Variants in VWF observed in about 807,000 individuals in gnomAD.
VWF encodes the protein Factor VIII related antigen.
Under a neutral mutation model 308.6 loss-of-function variants are expected in VWF, and 176 were observed. The observed-to-expected ratio is 0.57, with a 90% CI of 0.50 to 0.65. VWF has a LOEUF of 0.65. Among genes scored for constraint, VWF ranks in the 30% least tolerant of loss-of-function variants. The pLI is 0.00. For missense variants in VWF, 3,146 were observed against 3,648.2 expected, an observed-to-expected ratio of 0.86 and a Z score of 3.55; for synonymous variants, 1,385 against 1,443.4, an observed-to-expected ratio of 0.96 and a Z score of 0.92.
Position 6,056,989 on chromosome 12 carries a change from G to A in VWF, c.1813C>T (p.Leu605=). The A allele has an allele frequency of 6.5e-7, 1 of 1,546,070 alleles. No individual in the cohort carries two copies. The highest frequency in any genetic ancestry group is 1.2e-5 in the South Asian group (1 of 84,416). ...CACACGTCGTAGCGGCAGTTCCGCAGGTAGGGCAGCGGGCTGACGGCACGA... is the reference window on the plus strand; with the variant it reads ...CACACGTCGTAGCGGCAGTTCCGCAAGTAGGGCAGCGGGCTGACGGCACGA... ...CHRAVSPLPY[L]RNCRYDVCSC... Residue 605 remains leucine (L), a synonymous_variant, in exon 15 of 52, where the codon CTG becomes TTG. Coordinates refer to ENST00000261405, the MANE Select transcript of VWF (RefSeq NM_000552.5).
In VWF at chr12:6,063,087, GT is replaced by G; in HGVS notation, c.1433-34del. The G allele has an allele frequency of 6.3e-7, 1 of 1,580,596 alleles. No homozygotes were observed. The highest frequency in any genetic ancestry group is 2.2e-5 in the East Asian group (1 of 44,722). ...CCAGCAGGACAGGACTCAGGCAGAG[GT>G]GGGGAGAGGACAGGGTGGTGGCAGG... is the stretch of plus-strand genomic sequence containing the variant. On this transcript the variant is annotated intron_variant, in intron 12 of 51. Coordinates refer to ENST00000261405, the MANE Select transcript of VWF (RefSeq NM_000552.5). This position sits in a 1 kb window ranked among gnomAD's most constrained non-coding sequence, Gnocchi z 4.9.
chr12:5,956,243 T>C (rs1185943603), intron 47 of VWF, among the ~76,000 whole-genome samples: 2 of 152,234 alleles, frequency 1.3e-5, no homozygotes, highest in African/African-American at 4.8e-5. Flanking sequence ...TACTGGTTTA[T>C]GAATACTTTA....
intron 3 of VWF, among the ~76,000 whole-genome samples, chr12:6,113,391 G>A (rs530983701): frequency 1.1e-3 from 172 of 150,316 alleles, no homozygotes; most frequent in African/African-American, 4.1e-3. Context: ...TCCGCCTCCC[G>A]GGTTCACGCC....
chr12:6,104,776 A>C (rs1414446855), intron 5 of VWF, among the ~76,000 whole-genome samples: 2 of 152,212 alleles, frequency 1.3e-5, no homozygotes, highest in East Asian at 3.8e-4. Flanking sequence ...AAAAGAAATC[A>C]ATATATCAAA....
chr12:6,006,290 T>G (rs116477870), intron 34 of VWF, among the ~76,000 whole-genome samples: 10 of 152,146 alleles, frequency 6.6e-5, no homozygotes, highest in African/African-American at 2.4e-4. Context: ...AATCTCATCA[T>G]TACCCAAAAA....
chr12:6,043,151 T>C (rs775102081), intron 18 of VWF, among the ~76,000 whole-genome samples: 1 of 152,104 alleles, frequency 6.6e-6, no homozygotes, highest in Non-Finnish European at 1.5e-5. Flanking sequence ...AAAAGACAGT[T>C]CCAAAACCCT....
Position 6,075,503 on chromosome 12 carries a change from G to A in VWF, c.706C>T (p.Arg236Cys), listed in dbSNP as rs140912382. ...TCGGGGTCCACCAGAGGGTGGCAGC[G>A]GGCAAACACCGAGGTGCTCTTCAGA... Reference protein sequence around the residue: ...QLLKSTSVFARCHPLVDPEPF... With the variant: ...QLLKSTSVFACCHPLVDPEPF... Residue 236 changes from arginine to cysteine, a missense_variant, in exon 7 of 52, where the codon CGC becomes TGC. By Grantham distance (180) the Arg-to-Cys change is radical. This residue lies in a region of VWF where 1,304 missense variants were observed against 1,353.0 expected (regional missense o/e 0.96). Coordinates refer to ENST00000261405, the MANE Select transcript of VWF (RefSeq NM_000552.5). This position sits in a 1 kb window ranked among gnomAD's most constrained non-coding sequence, Gnocchi z 4.7. 2.2e-4 allele frequency: 360 copies of A among 1,614,086 alleles called. No homozygotes were observed. Among genetic ancestry groups the A allele is most frequent in the Non-Finnish European group, 2.8e-4 (332 of 1,180,040 alleles).
Position 6,052,145 on chromosome 12 carries a change from C to T in VWF, c.2186+398G>A, listed in dbSNP as rs928399141. On this transcript the variant is annotated intron_variant, in intron 16 of 51. Transcript: ENST00000261405. The stretch of plus-strand genomic sequence containing the variant: ...GGGTAGCAATGCCCCATGGAGGCAG[C>T]GCTGCAGTGGTCCATGTTCTTCCTG... Among the ~76,000 whole-genome samples, 30 of 152,266 alleles carry T rather than the reference C, an allele frequency of 2.0e-4. 1 individual carries two copies. Among genetic ancestry groups the T allele is most frequent in the South Asian group, 1.5e-3 (7 of 4,818 alleles).
chr12:6,057,089 G>C lies in VWF; in HGVS notation c.1730-17C>G. 3 of 1,529,076 alleles carry C rather than the reference G, an allele frequency of 2.0e-6. No individual in the cohort carries two copies. Among genetic ancestry groups the C allele is most frequent in the Non-Finnish European group, 2.6e-6 (3 of 1,143,456 alleles). The allele number at this position is 1,529,076 out of a possible 1,614,324, so 94.7% of individuals were successfully genotyped here. ...AGAACCTGGCTGTGGGGCGAGAGGA[G>C]CGAGCCTGGGATGTGGTGGGGAGGA... On this transcript the variant is annotated splice_polypyrimidine_tract_variant and intron_variant, in intron 14 of 51. Coordinates refer to ENST00000261405, the MANE Select transcript of VWF (RefSeq NM_000552.5).
chr12:6,113,551 C>T (rs1453385908), intron 3 of VWF, among the ~76,000 whole-genome samples: 8 of 152,166 alleles, frequency 5.3e-5, no homozygotes, highest in Admixed American at 6.5e-5. Flanking sequence ...GCCTGGGCCT[C>T]CCAAAGTGCT....
intron 5 of VWF, among the ~76,000 whole-genome samples, chr12:6,108,535 G>A (rs1945269490): frequency 6.7e-6 from 1 of 149,620 alleles, no homozygotes; most frequent in South Asian, 2.1e-4. Context: ...TATAGGTAGA[G>A]TCCTGCACCA....
chr12:6,017,281 C>G (rs1029032981), intron 28 of VWF, among the ~76,000 whole-genome samples: 6 of 152,170 alleles, frequency 3.9e-5, no homozygotes, highest in Admixed American at 3.9e-4. Context: ...CTGCTGTGTC[C>G]TCAGATCTTG....
chr12:6,063,087 G>T lies in VWF; in HGVS notation c.1433-33C>A. Reference sequence around the variant, plus strand: ...CCAGCAGGACAGGACTCAGGCAGAGGTGGGGAGAGGACAGGGTGGTGGCAG... The same window carrying T: ...CCAGCAGGACAGGACTCAGGCAGAGTTGGGGAGAGGACAGGGTGGTGGCAG... On this transcript the variant is annotated intron_variant, in intron 12 of 51. Coordinates refer to ENST00000261405, the MANE Select transcript of VWF (RefSeq NM_000552.5). This position sits in a 1 kb window ranked among gnomAD's most constrained non-coding sequence, Gnocchi z 4.9. The T allele has an allele frequency of 6.3e-7, 1 of 1,580,590 alleles. No homozygotes were observed.
intron 37 of VWF, among the ~76,000 whole-genome samples, chr12:5,992,377 T>C (rs1026667089): frequency 7.2e-5 from 11 of 152,158 alleles, no homozygotes; most frequent in African/African-American, 2.4e-4. Context: ...AGCTTCCTCC[T>C]TGGAGCATGA....
intron 47 of VWF, among the ~76,000 whole-genome samples, chr12:5,955,750 G>A (rs979074883): frequency 6.6e-6 from 1 of 152,110 alleles, no homozygotes; most frequent in African/African-American, 2.4e-5. Context: ...AATAGACAGG[G>A]AATTTTAGGA....
At chr12:6,067,775 T>C (rs1487049414) in intron 10 of VWF, among the ~76,000 whole-genome samples, 3 of 151,592 alleles carry the variant, frequency 2.0e-5, no homozygotes, top group East Asian at 1.9e-4. Flanking sequence ...TAGATGGAGA[T>C]GGGCACTGGA....
chr12:6,046,731 G>T lies in VWF; in HGVS notation c.2273C>A (p.Ser758Tyr), dbSNP rs751417437. The change falls in exon 17 of 52, where the codon TCT (serine) becomes TAT (tyrosine). Residue 758 changes from serine (S) to tyrosine (Y), a missense_variant. Transcript: ENST00000261405. The surrounding 1 kb of genome is among the most constrained non-coding windows in gnomAD (Gnocchi z 5.0). The part of the protein sequence containing the change: ...LPDAVLSSPL[S>Y]HRSKRSLSCR... ...AGGGGGACAGTACTCACTGCGATGA[G>T]ACAGGGGACTGCTGAGGACAGCGTC... The T allele has an allele frequency of 3.7e-6, 6 of 1,614,018 alleles. No homozygotes were observed. The South Asian group carries it at 6.6e-5, about 18-fold the overall frequency.
At chr12:6,077,653 G>T (rs528499032) in intron 6 of VWF, among the ~76,000 whole-genome samples, 1 of 152,340 alleles carries the variant, frequency 6.6e-6, no homozygotes, top group South Asian at 2.1e-4. Flanking sequence ...TTGGGGCCAC[G>T]TGAAGATGCC....
In VWF at chr12:6,058,969, TACCA is replaced by T. The variant is rs1423495965; in HGVS notation, c.1534-929_1534-926del. On this transcript the variant is annotated intron_variant, in intron 13 of 51. Transcript: ENST00000261405. The surrounding 1 kb of genome is among the most constrained non-coding windows in gnomAD (Gnocchi z 4.9). ...TCCTGACTCCCTCTCCGCATGTCAT[TACCA>T]AGGTGGGATGACCTCCCTGCGTTCT... Among the ~76,000 whole-genome samples the T allele has an allele frequency of 6.6e-6, 1 of 152,122 alleles. No homozygotes were observed. The highest frequency in any genetic ancestry group is 1.5e-5 in the Non-Finnish European group (1 of 68,004).
Sources: allele counts gnomAD v4.1 joint callset (sites outside exome capture counted in the v4.1 genomes callset), GRCh38; gene constraint gnomAD v4.1.1; regional missense constraint gnomAD v4.1.1; non-coding constraint Gnocchi (gnomAD v3.1); transcripts MANE v1.5; gene names NCBI Gene and HGNC (gene_info 2026-07-23, HGNC 2026-07-21).